Variants in FAAH2 observed in about 807,000 individuals in gnomAD.
The protein encoded by FAAH2 is fatty acid amide hydrolase 2, also known as fatty-acid amide hydrolase 2.
A neutral mutation model predicts 36.9 loss-of-function variants in FAAH2; 60 were observed. The observed-to-expected ratio is 1.63, with a 90% confidence interval of 1.32 to 2.02. The LOEUF is 2.02. FAAH2 is among the 30% of genes most tolerant of loss of function. The pLI is 0.00. For missense variants in FAAH2, 689 were observed against 397.5 expected (o/e 1.73, Z -6.23); for synonymous variants, 214 against 143.8 (o/e 1.49, Z -3.49).
At chrX:57,346,803 T>TGTG (rs1423499594) in intron 5 of FAAH2, among the ~76,000 whole-genome samples, 1 of 111,671 alleles carries the variant, frequency 9.0e-6, no homozygotes, top group Non-Finnish European at 1.9e-5. Flanking sequence ...TGGGAAGGAC[T>TGTG]TTATTTTTTA....
chrX:57,307,934 T>C (rs1199347869), intron 2 of FAAH2, among the ~76,000 whole-genome samples: 1 of 109,643 alleles, frequency 9.1e-6, no homozygotes, highest in Non-Finnish European at 1.9e-5. Flanking sequence ...AGGTTAATAA[T>C]GACCTCTGGG....
intron 10 of FAAH2, among the ~76,000 whole-genome samples, chrX:57,463,816 TA>T (rs1320773161): frequency 1.8e-5 from 2 of 111,739 alleles, no homozygotes; most frequent in Non-Finnish European, 3.8e-5. Context: ...AAGTGTAAAT[TA>T]TTTCAACCAT....
chrX:57,393,615 A>G (rs1166024489), intron 7 of FAAH2: 1 of 890,613 alleles, frequency 1.1e-6, no homozygotes, highest in Non-Finnish European at 1.7e-6. Flanking sequence ...AGCACTATCA[A>G]TGCACCACTC....
At chrX:57,298,775 T>C (rs2052230664) in intron 2 of FAAH2, among the ~76,000 whole-genome samples, 1 of 83,325 alleles carries the variant, frequency 1.2e-5, no homozygotes, top group South Asian at 7.2e-4. Flanking sequence ...AAAGGGCATG[T>C]CACCACTGAT....
intron 7 of FAAH2, among the ~76,000 whole-genome samples, chrX:57,387,331 A>G (rs1017942768): frequency 1.8e-5 from 2 of 111,634 alleles, no homozygotes; most frequent in African/African-American, 6.5e-5. Flanking sequence ...TTATAGATTA[A>G]GATATGAGTA....
the FAAH2 span, among the ~76,000 whole-genome samples, chrX:57,238,578 G>T: frequency 1.8e-5 from 2 of 111,361 alleles, no homozygotes; most frequent in Non-Finnish European, 3.8e-5. Flanking sequence ...AAACCCCCAT[G>T]ACATGAGATT....
intron 5 of FAAH2, among the ~76,000 whole-genome samples, chrX:57,368,150 A>C (rs938941132): frequency 2.7e-5 from 3 of 110,578 alleles, no homozygotes; most frequent in African/African-American, 9.9e-5. Flanking sequence ...ACCATACCCC[A>C]ACCCTGGTTA....
chrX:57,251,250 C>T, the FAAH2 span, among the ~76,000 whole-genome samples: 32 of 111,828 alleles, frequency 2.9e-4, no homozygotes, highest in African/African-American at 1.0e-3. Flanking sequence ...AAAACAATAA[C>T]CATATGATTA....
At chrX:57,171,368 TC>T in the FAAH2 span, among the ~76,000 whole-genome samples, 1 of 112,271 alleles carries the variant, frequency 8.9e-6, no homozygotes, top group Non-Finnish European at 1.9e-5. Context: ...TAATTTACAT[TC>T]CCACTAGCAG....
chrX:57,468,345 T>C (rs148664667), intron 10 of FAAH2, among the ~76,000 whole-genome samples: 2 of 111,107 alleles, frequency 1.8e-5, no homozygotes, highest in African/African-American at 3.3e-5. Flanking sequence ...GTTAAAAACG[T>C]TGAAAAAAGA....
intron 7 of FAAH2, among the ~76,000 whole-genome samples, chrX:57,422,271 T>A (rs184966746): frequency 1.8e-5 from 2 of 111,660 alleles, no homozygotes; most frequent in African/African-American, 6.5e-5. Flanking sequence ...GATATGTGAG[T>A]TAAATGGGGA....
intron 7 of FAAH2, among the ~76,000 whole-genome samples, chrX:57,402,582 T>C (rs2055464867): frequency 8.9e-6 from 1 of 112,178 alleles, no homozygotes; most frequent in Non-Finnish European, 1.9e-5. Context: ...GATAAACTTA[T>C]CCTTTAAGAT....
At chrX:57,369,901 A>G (rs1285255980) in intron 5 of FAAH2, among the ~76,000 whole-genome samples, 2 of 112,262 alleles carry the variant, frequency 1.8e-5, no homozygotes, top group African/African-American at 6.5e-5. Flanking sequence ...TTGTAAGTGG[A>G]CACAAAATAT....
intron 10 of FAAH2, among the ~76,000 whole-genome samples, chrX:57,474,583 C>A (rs1258451012): frequency 8.9e-6 from 1 of 111,772 alleles, no homozygotes; most frequent in Non-Finnish European, 1.9e-5. Flanking sequence ...ATATATGTGC[C>A]ATGTTTTCTT....
the FAAH2 span, among the ~76,000 whole-genome samples, chrX:57,273,349 C>T: frequency 9.0e-6 from 1 of 111,277 alleles, no homozygotes; most frequent in East Asian, 2.8e-4. Flanking sequence ...TTAGACAGTT[C>T]GAGGAGACAG....
chrX:57,137,724 C>T, the FAAH2 span: 2 of 111,287 alleles, frequency 1.8e-5, no homozygotes, highest in African/African-American at 6.5e-5. Context: ...CTAGCCCCTC[C>T]CCTCAGCTCT....
intron 3 of FAAH2, among the ~76,000 whole-genome samples, chrX:57,326,294 G>A (rs2053213390): frequency 9.0e-6 from 1 of 111,580 alleles, no homozygotes; most frequent in Non-Finnish European, 1.9e-5. Flanking sequence ...GCAATGTGGT[G>A]CTGAGAAGAA....
chrX:57,165,457 GC>G, the FAAH2 span, among the ~76,000 whole-genome samples: 1 of 108,439 alleles, frequency 9.2e-6, no homozygotes, highest in African/African-American at 3.4e-5. Flanking sequence ...ACCAAACACC[GC>G]ATATTCTCAC....
At chrX:57,290,551 A>G (rs1304077245) in intron 1 of FAAH2, among the ~76,000 whole-genome samples, 1 of 111,030 alleles carries the variant, frequency 9.0e-6, no homozygotes, top group Non-Finnish European at 1.9e-5. Context: ...CATTCTTAAT[A>G]CTAACCATTT....
Sources: gnomAD v4.1 joint callset for allele counts (sites outside exome capture counted in the v4.1 genomes callset) on GRCh38, gnomAD v4.1.1 for gene constraint, MANE v1.5 for transcripts, NCBI Gene and HGNC (gene_info 2026-07-23, HGNC 2026-07-21) for gene names.